CREB5: variants seen among roughly 807,000 people sequenced by gnomAD.
CREB5 encodes cyclic AMP-responsive element-binding protein 5.
A neutral mutation model predicts 57.1 loss-of-function variants in CREB5; 19 were observed. That is an observed-to-expected ratio of 0.33 (90% CI 0.23 to 0.49). The LOEUF (loss-of-function observed/expected upper bound fraction) is 0.49, where lower values mean the gene tolerates loss of function less well. CREB5 is among the 20% of genes least tolerant of loss of function. CREB5 has a pLI of 0.99. For synonymous variants in CREB5, 238 were observed against 238.3 expected (o/e 1.00, Z 0.01); for missense variants, 579 against 671.6 (o/e 0.86, Z 1.52).
At chr7:28,632,708 T>C (rs1292951407) in intron 5 of CREB5, among the ~76,000 whole-genome samples, 1 of 152,120 alleles carries the variant, frequency 6.6e-6, no homozygotes. Context: ...TCAGCTCCAG[T>C]GTCGCCAAGG....
chr7:28,569,912 A>G (rs531208744), intron 4 of CREB5, among the ~76,000 whole-genome samples: 1 of 151,998 alleles, frequency 6.6e-6, no homozygotes, highest in South Asian at 2.1e-4. Context: ...TAAAAAATGT[A>G]TATATATGGT....
rs181506275 is a variant in CREB5, at chr7:28,777,868, T to G, written c.703-26331T>G. ...AAAAGAAAATAAAAATAATAGTAAG[T>G]CACTTGGAACTCAGTTACTCAGAGA... is the stretch of plus-strand genomic sequence containing the variant. On this transcript the variant is annotated intron_variant, in intron 7 of 10. Coordinates refer to ENST00000357727, the MANE Select transcript of CREB5 (RefSeq NM_182898.4). 9.2e-4 allele frequency among the ~76,000 whole-genome samples: 140 copies of G among 152,296 alleles called. 1 individual carries two copies. The highest frequency in any genetic ancestry group is 3.2e-3 in the African/African-American group (135 of 41,570).
At chr7:28,576,262 A>G (rs1438256358) in intron 5 of CREB5, among the ~76,000 whole-genome samples, 1 of 152,226 alleles carries the variant, frequency 6.6e-6, no homozygotes, top group Non-Finnish European at 1.5e-5. Flanking sequence ...AAAGGAAGCT[A>G]ATATTTATTC....
In CREB5 at chr7:28,507,635, G is replaced by A. The variant is rs767456309; in HGVS notation, c.189G>A (p.Thr63=). Residue 63 remains threonine (T), a synonymous_variant, in exon 4 of 11, where the codon ACG becomes ACA. Transcript: ENST00000357727. The part of the protein sequence containing the change: ...NMLSDQTPTP[T]RFLKNCEEVG... ...TTTCAGATCAAACTCCGACCCCAAC[G>A]AGATTCCTGAAGAACTGCGAGGAGG... 22 of 1,610,336 alleles carry A rather than the reference G, an allele frequency of 1.4e-5. No homozygotes were observed. The highest frequency in any genetic ancestry group is 8.8e-5 in the South Asian group (8 of 90,580).
chr7:28,509,294 T>C (rs1792604721), intron 4 of CREB5, among the ~76,000 whole-genome samples: 1 of 152,238 alleles, frequency 6.6e-6, no homozygotes, highest in Non-Finnish European at 1.5e-5. Flanking sequence ...GGTCGGGGTG[T>C]GGTTTTAGAT....
intron 4 of CREB5, among the ~76,000 whole-genome samples, chr7:28,518,306 C>T (rs1793062634): frequency 1.3e-5 from 2 of 152,186 alleles, no homozygotes; most frequent in African/African-American, 4.8e-5. Flanking sequence ...TGCAAGCAGT[C>T]ACTTCCCCAA....
intron 4 of CREB5, among the ~76,000 whole-genome samples, chr7:28,566,653 T>C (rs1245849413): frequency 6.9e-6 from 1 of 145,698 alleles, no homozygotes; most frequent in African/African-American, 2.6e-5. Flanking sequence ...TGAGTTACTA[T>C]GTAAAGCTTA....
Position 28,326,968 on chromosome 7 carries a change from C to T in CREB5, c.-25+27527C>T, listed in dbSNP as rs1205736506. Among the ~76,000 whole-genome samples the T allele has an allele frequency of 6.6e-5, 10 of 151,774 alleles. No individual in the cohort carries two copies. In the East Asian group the frequency reaches 1.2e-3, roughly 18 times the overall value. On this transcript the variant is annotated intron_variant, in intron 1 of 9. Coordinates refer to the CREB5 transcript ENST00000396299. Reference sequence around the variant, plus strand: ...TTCAAGACCAACCTGGCCAACACGGCGAAACCCTGTCTTGAGTAAAAATAC... The same window carrying T: ...TTCAAGACCAACCTGGCCAACACGGTGAAACCCTGTCTTGAGTAAAAATAC...
intron 5 of CREB5, among the ~76,000 whole-genome samples, chr7:28,576,395 G>C (rs569929571): frequency 5.9e-5 from 9 of 152,292 alleles, no homozygotes; most frequent in Admixed American, 2.0e-4. Context: ...AAAGTAACTT[G>C]TCCAAAGTCA....
chr7:28,650,748 C>T (rs1051083400), intron 5 of CREB5, among the ~76,000 whole-genome samples: 1 of 152,128 alleles, frequency 6.6e-6, no homozygotes, highest in African/African-American at 2.4e-5. Context: ...ATTTTCCAAA[C>T]TAAGTATGTA....
chr7:28,439,171 C>A (rs1001904153), intron 1 of CREB5, among the ~76,000 whole-genome samples: 1 of 152,124 alleles, frequency 6.6e-6, no homozygotes, highest in African/African-American at 2.4e-5. Flanking sequence ...TCCTCTGTAT[C>A]GTAAGCTCTA....
chr7:28,386,033 T>A (rs891315496), intron 1 of CREB5, among the ~76,000 whole-genome samples: 1 of 152,230 alleles, frequency 6.6e-6, no homozygotes, highest in African/African-American at 2.4e-5. Context: ...CATAATATTG[T>A]TGCCCACTAA....
intron 4 of CREB5, among the ~76,000 whole-genome samples, chr7:28,539,338 T>C (rs1438697016): frequency 6.6e-6 from 1 of 152,158 alleles, no homozygotes; most frequent in Non-Finnish European, 1.5e-5. Flanking sequence ...CCAGCCCACC[T>C]TGGCTGTCTG....
chr7:28,788,396 C>T (rs1054670003), intron 7 of CREB5, among the ~76,000 whole-genome samples: 1 of 152,164 alleles, frequency 6.6e-6, no homozygotes, highest in African/African-American at 2.4e-5. Context: ...GATTTGTTAC[C>T]AACTGAAAAC....
At chr7:28,409,171 T>C (rs1787661790), upstream of CREB5, among the ~76,000 whole-genome samples, 1 of 151,210 alleles carries the variant, frequency 6.6e-6, no homozygotes, top group Non-Finnish European at 1.5e-5. This position sits in a 1 kb window ranked among gnomAD's most constrained non-coding sequence, Gnocchi z 4.4. Flanking sequence ...CCCGGGCGGG[T>C]GCACCAGGGT....
At chr7:28,381,830 A>C (rs920465123) in intron 1 of CREB5, among the ~76,000 whole-genome samples, 5 of 152,172 alleles carry the variant, frequency 3.3e-5, no homozygotes, top group Admixed American at 6.5e-5. Context: ...GTCTTGTTAC[A>C]TTGTGTTTTA....
chr7:28,675,754 G>C (rs1042181636), intron 5 of CREB5, among the ~76,000 whole-genome samples: 2 of 151,976 alleles, frequency 1.3e-5, no homozygotes, highest in Non-Finnish European at 2.9e-5. Flanking sequence ...TCCTGTTTCA[G>C]CTTGGGATAA....
At chr7:28,644,986 G>A (rs766935352) in intron 5 of CREB5, among the ~76,000 whole-genome samples, 54 of 152,180 alleles carry the variant, frequency 3.5e-4, no homozygotes, top group African/African-American at 1.0e-3. Context: ...CCAACAACGC[G>A]TACCTTGGCC....
chr7:28,409,664 G>A (rs1295195129), upstream of CREB5: 1 of 282,726 alleles, frequency 3.5e-6, no homozygotes. The surrounding 1 kb of genome is among the most constrained non-coding windows in gnomAD (Gnocchi z 4.4). Flanking sequence ...CCAGAGGGAA[G>A]TCCGGCCCCG....
Sources: gnomAD v4.1 joint callset for allele counts (sites outside exome capture counted in the v4.1 genomes callset) on GRCh38, gnomAD v4.1.1 for gene constraint, Gnocchi (gnomAD v3.1) non-coding constraint, MANE v1.5 for transcripts, NCBI Gene and HGNC (gene_info 2026-07-23, HGNC 2026-07-21) for gene names.